CADM2: variants seen among roughly 807,000 people sequenced by gnomAD.
CADM2 encodes the protein cell adhesion molecule 2.
Under a neutral mutation model 49.8 loss-of-function variants are expected in CADM2, and 12 were observed. That is an observed-to-expected ratio of 0.24 (90% CI 0.15 to 0.39). The LOEUF is 0.39. CADM2 is among the 10% of genes least tolerant of loss of function. The pLI, the probability that CADM2 is intolerant of heterozygous loss-of-function variation, is 1.00. For missense variants in CADM2, 378 were observed against 492.3 expected, an observed-to-expected ratio of 0.77 and a Z score of 2.20; for synonymous variants, 214 against 175.4, an observed-to-expected ratio of 1.22 and a Z score of -1.74.
At chr3:85,130,044 C>A (rs1430775482) in intron 1 of CADM2, among the ~76,000 whole-genome samples, 1 of 152,130 alleles carries the variant, frequency 6.6e-6, no homozygotes. Flanking sequence ...CATATCCCAG[C>A]TTAAGTTATC....
rs191949829 is a variant in CADM2, at chr3:85,230,035, A to T, written c.61+270367A>T. 5.6e-3 allele frequency among the ~76,000 whole-genome samples: 859 copies of T among 152,288 alleles called. 5 individuals are homozygous for T. The highest frequency in any genetic ancestry group is 9.9e-3 in the Non-Finnish European group (672 of 68,014). ...ATGTCCTTTCCCACATTGAACTCAG[A>T]TCACTGACTCTAATGCTGGGAAATC... On this transcript the variant is annotated intron_variant, in intron 1 of 9. Transcript: ENST00000383699.
chr3:85,231,632 G>C (rs552696485), intron 1 of CADM2, among the ~76,000 whole-genome samples: 1 of 150,240 alleles, frequency 6.7e-6, no homozygotes, highest in African/African-American at 2.5e-5. Flanking sequence ...TAGATGGATA[G>C]TTTTTGTTAC....
At chr3:85,141,586 A>G (rs1459538225) in intron 1 of CADM2, among the ~76,000 whole-genome samples, 1 of 152,188 alleles carries the variant, frequency 6.6e-6, no homozygotes, top group Non-Finnish European at 1.5e-5. Flanking sequence ...AAACATAACA[A>G]TATGTAACAA....
chr3:85,273,578 G>A (rs2043292978), intron 1 of CADM2, among the ~76,000 whole-genome samples: 2 of 148,456 alleles, frequency 1.3e-5, no homozygotes, highest in African/African-American at 2.6e-5. Flanking sequence ...ATATTAAAGC[G>A]AAGGAGGACC....
intron 1 of CADM2, among the ~76,000 whole-genome samples, chr3:85,026,345 C>T (rs1691212862): frequency 6.6e-6 from 1 of 152,014 alleles, no homozygotes; most frequent in South Asian, 2.1e-4. Flanking sequence ...ATTAGATGTA[C>T]AATTATGATT....
At chr3:85,873,246 A>G (rs2075997212) in intron 3 of CADM2, among the ~76,000 whole-genome samples, 1 of 152,222 alleles carries the variant, frequency 6.6e-6, no homozygotes, top group African/African-American at 2.4e-5. Flanking sequence ...CATTAACAAA[A>G]CTACTAAATG....
At chr3:85,463,953 C>T (rs1178166935) in intron 1 of CADM2, among the ~76,000 whole-genome samples, 2 of 151,920 alleles carry the variant, frequency 1.3e-5, no homozygotes, top group African/African-American at 4.8e-5. Context: ...GATATTCGAC[C>T]CAAATTTAAA....
In CADM2 at chr3:85,143,603, AATG is replaced by A. The variant is rs1377135639; in HGVS notation, c.61+183938_61+183940del. ...TTGTATGCTACAAATAACTTGTGTG[AATG>A]ATAAGAACATAGCTTTAAAGAAATC... On this transcript the variant is annotated intron_variant, in intron 1 of 9. Transcript: ENST00000383699. 1.2e-4 allele frequency among the ~76,000 whole-genome samples: 18 copies of A among 152,332 alleles called. No homozygotes were observed. In the East Asian group the frequency reaches 3.5e-3, roughly 29 times the overall value.
chr3:85,413,160 A>T (rs1442776593), intron 1 of CADM2, among the ~76,000 whole-genome samples: 2 of 143,116 alleles, frequency 1.4e-5, no homozygotes, highest in African/African-American at 2.6e-5. Context: ...AAAAAAAAAA[A>T]AAATAATAAT....
At chr3:85,118,783 C>G (rs546140090) in intron 1 of CADM2, among the ~76,000 whole-genome samples, 3 of 152,256 alleles carry the variant, frequency 2.0e-5, no homozygotes, top group African/African-American at 7.2e-5. Context: ...AAGTTTCACT[C>G]TTGTTGACCA....
At chr3:84,999,635 G>C (rs942818029) in intron 1 of CADM2, among the ~76,000 whole-genome samples, 3 of 152,190 alleles carry the variant, frequency 2.0e-5, no homozygotes, top group African/African-American at 7.2e-5. Flanking sequence ...CAAGAAGGCA[G>C]AGCATTGCCT....
intron 8 of CADM2, among the ~76,000 whole-genome samples, chr3:85,966,616 T>C (rs1318505586): frequency 6.6e-6 from 1 of 151,594 alleles, no homozygotes; most frequent in Non-Finnish European, 1.5e-5. Context: ...ATTTGACCTT[T>C]ACAACCATGT....
At chr3:85,468,176 A>C (rs971155169) in intron 1 of CADM2, among the ~76,000 whole-genome samples, 2 of 151,048 alleles carry the variant, frequency 1.3e-5, no homozygotes, top group East Asian at 1.9e-4. Flanking sequence ...AAAAAAAAAA[A>C]AAAAACATTG....
At chr3:85,810,626 G>A (rs1488421241) in intron 3 of CADM2, among the ~76,000 whole-genome samples, 2 of 135,678 alleles carry the variant, frequency 1.5e-5, no homozygotes, top group Non-Finnish European at 3.0e-5. Flanking sequence ...TGCAACCTCT[G>A]CTTCCCAGGT....
intron 2 of CADM2, among the ~76,000 whole-genome samples, chr3:85,759,494 C>T (rs1003120612): frequency 6.6e-6 from 1 of 152,060 alleles, no homozygotes; most frequent in Admixed American, 6.5e-5. Flanking sequence ...AATTACTGTT[C>T]TCTAGAATTT....
At chr3:85,682,516 T>G (rs1049625622) in intron 1 of CADM2, among the ~76,000 whole-genome samples, 6 of 152,088 alleles carry the variant, frequency 3.9e-5, no homozygotes, top group African/African-American at 1.2e-4. Context: ...CAGTGGTACG[T>G]GAAGGTGTTG....
chr3:85,086,200 G>A (rs190784589), intron 1 of CADM2, among the ~76,000 whole-genome samples: 19 of 152,114 alleles, frequency 1.2e-4, no homozygotes, highest in African/African-American at 4.3e-4. Context: ...AAGAATAGGC[G>A]TTCTATCTCA....
At chr3:85,109,891 A>T (rs986559838) in intron 1 of CADM2, among the ~76,000 whole-genome samples, 5 of 151,952 alleles carry the variant, frequency 3.3e-5, no homozygotes, top group African/African-American at 1.2e-4. Flanking sequence ...TAGTTTTCAT[A>T]GCTGTGAAAT....
intron 8 of CADM2, among the ~76,000 whole-genome samples, chr3:86,057,898 G>A (rs1013968718): frequency 6.6e-6 from 1 of 152,066 alleles, no homozygotes; most frequent in African/African-American, 2.4e-5. Flanking sequence ...ACCAGCTCTC[G>A]TTCCCAAAAT....
Sources: gnomAD v4.1 joint callset for allele counts (sites outside exome capture counted in the v4.1 genomes callset) on GRCh38, gnomAD v4.1.1 for gene constraint, MANE v1.5 for transcripts, NCBI Gene and HGNC (gene_info 2026-07-23, HGNC 2026-07-21) for gene names.